HS3ST3A1: variants seen among roughly 807,000 people sequenced by gnomAD.
HS3ST3A1 encodes heparan sulfate-glucosamine 3-sulfotransferase 3A1.
Under a neutral mutation model 25.7 loss-of-function variants are expected in HS3ST3A1, and 19 were observed. That is an observed-to-expected ratio of 0.74 (90% CI 0.52 to 1.08). The LOEUF (loss-of-function observed/expected upper bound fraction) is 1.08. HS3ST3A1 is among the 50% of genes least tolerant of loss of function. The pLI is 0.00. For synonymous variants in HS3ST3A1, 226 were observed against 278.6 expected (o/e 0.81, Z 1.88); for missense variants, 459 against 594.3 (o/e 0.77, Z 2.37).
intron 1 of HS3ST3A1, among the ~76,000 whole-genome samples, chr17:13,525,315 A>G (rs1906375778): frequency 1.3e-5 from 2 of 152,042 alleles, no homozygotes; most frequent in African/African-American, 4.8e-5. Context: ...TTATTGTCCT[A>G]ATTTTTTTTT....
At chr17:13,556,041 C>A (rs1178761842) in intron 1 of HS3ST3A1, 1 of 152,186 alleles carries the variant, frequency 6.6e-6, no homozygotes, top group Non-Finnish European at 1.5e-5. Flanking sequence ...TTCTTCAGTA[C>A]TGAGCCCTAG....
intron 1 of HS3ST3A1, among the ~76,000 whole-genome samples, chr17:13,551,479 G>C (rs1327817130): frequency 6.6e-6 from 1 of 151,912 alleles, no homozygotes; most frequent in Non-Finnish European, 1.5e-5. Context: ...GCAATTGATA[G>C]ATAAACAGTC....
At chr17:13,597,906 T>A (rs1442941230) in intron 1 of HS3ST3A1, among the ~76,000 whole-genome samples, 1 of 152,218 alleles carries the variant, frequency 6.6e-6, no homozygotes, top group African/African-American at 2.4e-5. Context: ...GCAGCAGATT[T>A]GTCCCTTTGT....
chr17:13,594,382 A>G (rs1455908367), intron 1 of HS3ST3A1, among the ~76,000 whole-genome samples: 2 of 152,092 alleles, frequency 1.3e-5, no homozygotes, highest in African/African-American at 4.8e-5. Context: ...GGAACTCTCA[A>G]AGCGCTTTCC....
At position 13,584,550 on chromosome 17, in the gene HS3ST3A1, A is replaced by AGAAG. The variant is rs1187444584; in HGVS notation, c.599+15977_599+15980dup. Among the ~76,000 whole-genome samples, 60 of 150,874 alleles carry AGAAG rather than the reference A, an allele frequency of 4.0e-4. 1 individual carries two copies. The highest frequency in any genetic ancestry group is 1.4e-3 in the African/African-American group (58 of 40,906). ...AGGAAGGAAAGAAGGAAGGAAGGAA[A>AGAAG]GAAGGAAGGAAGGAAAGAAGGAAGG... On this transcript the variant is annotated intron_variant, in intron 1 of 1. Coordinates refer to ENST00000284110, the MANE Select transcript of HS3ST3A1 (RefSeq NM_006042.3).
chr17:13,560,109 G>C (rs565077695), intron 1 of HS3ST3A1, among the ~76,000 whole-genome samples: 1 of 151,086 alleles, frequency 6.6e-6, no homozygotes, highest in African/African-American at 2.4e-5. Flanking sequence ...GGCCAACATG[G>C]TGAAACCCCA....
At chr17:13,586,343 C>A (rs534835370) in intron 1 of HS3ST3A1, among the ~76,000 whole-genome samples, 114 of 152,156 alleles carry the variant, frequency 7.5e-4, no homozygotes, top group African/African-American at 2.7e-3. Flanking sequence ...GATTCCTCAA[C>A]GGCCACCTAT....
chr17:13,595,562 T>G (rs1214680235), intron 1 of HS3ST3A1, among the ~76,000 whole-genome samples: 2 of 152,186 alleles, frequency 1.3e-5, no homozygotes, highest in Non-Finnish European at 2.9e-5. Flanking sequence ...TCTGATTACA[T>G]ATTAGAGGCA....
intron 1 of HS3ST3A1, among the ~76,000 whole-genome samples, chr17:13,563,859 G>A (rs894856100): frequency 7.2e-5 from 11 of 152,132 alleles, no homozygotes; most frequent in African/African-American, 2.7e-4. Context: ...TTAATTAACT[G>A]TGAAAGGACA....
intron 1 of HS3ST3A1, among the ~76,000 whole-genome samples, chr17:13,505,976 G>A (rs532168868): frequency 2.1e-5 from 3 of 146,014 alleles, no homozygotes; most frequent in South Asian, 2.2e-4. Context: ...GCAGTGAGCC[G>A]AGGTCTCGCC....
At chr17:13,600,411 T>G (rs1423946517) in intron 1 of HS3ST3A1, 120 bp downstream of exon 1, 30 of 1,407,650 alleles carry the variant, frequency 2.1e-5, no homozygotes, top group Non-Finnish European at 2.8e-5. Flanking sequence ...TTGACGACCC[T>G]TCGCCTTCTG....
At chr17:13,529,629 C>T (rs1906540080) in intron 1 of HS3ST3A1, among the ~76,000 whole-genome samples, 1 of 152,098 alleles carries the variant, frequency 6.6e-6, no homozygotes, top group Admixed American at 6.5e-5. Context: ...TGTAAAAAAT[C>T]CATTTATGTT....
At chr17:13,545,718 G>T (rs1907067800) in intron 1 of HS3ST3A1, among the ~76,000 whole-genome samples, 1 of 152,286 alleles carries the variant, frequency 6.6e-6, no homozygotes. Context: ...AGCATCAGGT[G>T]GTAATCTCAG....
intron 1 of HS3ST3A1, among the ~76,000 whole-genome samples, chr17:13,520,517 C>T (rs1172192613): frequency 2.0e-5 from 3 of 152,128 alleles, no homozygotes; most frequent in South Asian, 2.1e-4. Context: ...GCCAGAGCAA[C>T]GTCTGAAATA....
chr17:13,570,741 A>T (rs1304541970), intron 1 of HS3ST3A1, among the ~76,000 whole-genome samples: 1 of 152,226 alleles, frequency 6.6e-6, no homozygotes, highest in Admixed American at 6.5e-5. Context: ...AAGTGCTGGG[A>T]TTACGGGGGT....
intron 1 of HS3ST3A1, among the ~76,000 whole-genome samples, chr17:13,537,383 A>C (rs1030093857): frequency 6.6e-6 from 1 of 152,222 alleles, no homozygotes; most frequent in Non-Finnish European, 1.5e-5. Context: ...CTGACTTTCT[A>C]TTTGGCAGGC....
At chr17:13,583,687 G>A (rs1460992692) in intron 1 of HS3ST3A1, among the ~76,000 whole-genome samples, 2 of 152,174 alleles carry the variant, frequency 1.3e-5, no homozygotes, top group African/African-American at 4.8e-5. Flanking sequence ...CTAAAGAGAT[G>A]ACATGAACAT....
chr17:13,600,590 G>C lies in HS3ST3A1; in HGVS notation c.540C>G (p.Ala180=). Residue 180 remains alanine, a synonymous_variant, in exon 1 of 2, where the codon GCC becomes GCG. Transcript: ENST00000284110. ...CGAAGAAGTGGGGCTCGGCGCCCAC[G>C]GCGCGCACGTCGGGGTGCACGCGCA... The part of the protein sequence containing the change: ...EFLRVHPDVR[A]VGAEPHFFDR... 3.1e-6 allele frequency: 5 copies of C among 1,600,964 alleles called. No individual in the cohort carries two copies. Among genetic ancestry groups the C allele is most frequent in the Non-Finnish European group, 4.2e-6 (5 of 1,178,204 alleles).
At chr17:13,504,343 T>C (rs1905586493) in intron 1 of HS3ST3A1, among the ~76,000 whole-genome samples, 1 of 103,554 alleles carries the variant, frequency 9.7e-6, no homozygotes, top group African/African-American at 3.7e-5. Flanking sequence ...AACCTGTGGG[T>C]GAACATTACA....
Sources: gnomAD v4.1 joint callset for allele counts (sites outside exome capture counted in the v4.1 genomes callset) on GRCh38, gnomAD v4.1.1 for gene constraint, MANE v1.5 for transcripts, NCBI Gene and HGNC (gene_info 2026-07-23, HGNC 2026-07-21) for gene names.